The following METTL25 variants were observed in gnomAD, a reference collection of about 807,000 sequenced individuals.
METTL25 encodes the protein probable methyltransferase-like protein 25.
In METTL25, 64 loss-of-function variants were observed where a neutral mutation model predicts 71.6. That is an observed-to-expected ratio of 0.89 (90% CI 0.73 to 1.10). The LOEUF (loss-of-function observed/expected upper bound fraction) is 1.10, where lower values mean the gene tolerates loss of function less well. METTL25 is among the 50% of genes least tolerant of loss of function. The pLI, the probability that METTL25 is intolerant of heterozygous loss-of-function variation, is 0.00. For synonymous variants in METTL25, 287 were observed against 250.3 expected (o/e 1.15, Z -1.38); for missense variants, 807 against 707.0 (o/e 1.14, Z -1.60).
intron 9 of METTL25, among the ~76,000 whole-genome samples, chr12:82,473,514 G>T (rs931092924): frequency 5.3e-5 from 8 of 152,144 alleles, no homozygotes; most frequent in African/African-American, 1.9e-4. Context: ...TGTGTCATAG[G>T]CCCACAGCTG....
In METTL25 at chr12:82,414,362, A is replaced by G. The variant is rs115866615; in HGVS notation, c.1279+11232A>G. Among the ~76,000 whole-genome samples, 411 of 152,332 alleles carry G rather than the reference A, an allele frequency of 2.7e-3. 2 individuals carry two copies. Among genetic ancestry groups the G allele is most frequent in the African/African-American group, 9.4e-3 (392 of 41,596 alleles). The stretch of plus-strand genomic sequence containing the variant: ...TTCAGTCAGCTCTGTGTTTTCTAGA[A>G]TACTGGCGCTGATTTTATTTTTGCC... On this transcript the variant is annotated intron_variant, in intron 5 of 11. Transcript: ENST00000248306.
At chr12:82,397,919 C>T (rs1026965078) in intron 3 of METTL25, among the ~76,000 whole-genome samples, 27 of 151,886 alleles carry the variant, frequency 1.8e-4, no homozygotes, top group African/African-American at 4.8e-5. Context: ...AATTCTTCAA[C>T]CTTATTCTTT....
chr12:82,455,405 T>C (rs1243043450), intron 8 of METTL25, among the ~76,000 whole-genome samples: 3 of 151,836 alleles, frequency 2.0e-5, no homozygotes, highest in Admixed American at 6.6e-5. Context: ...TTTTCTGCCT[T>C]CTGGAACCTA....
chr12:82,474,080 A>G (rs759105626), intron 9 of METTL25, among the ~76,000 whole-genome samples: 24 of 152,154 alleles, frequency 1.6e-4, no homozygotes, highest in African/African-American at 3.1e-4. Context: ...ATCTGGGACA[A>G]TGCAGCTGTG....
chr12:82,376,378 T>G (rs117951130), intron 1 of METTL25, among the ~76,000 whole-genome samples: 16 of 152,204 alleles, frequency 1.1e-4, no homozygotes, highest in Non-Finnish European at 2.2e-4. Flanking sequence ...GAAATTCTAG[T>G]CCCCCTGCTT....
chr12:82,427,759 G>A (rs896778924), intron 5 of METTL25, among the ~76,000 whole-genome samples: 13 of 151,912 alleles, frequency 8.6e-5, no homozygotes, highest in East Asian at 7.8e-4. Flanking sequence ...CCTGGGTTTC[G>A]CCTGTGACCA....
chr12:82,412,103 C>T (rs1420591206), intron 5 of METTL25, among the ~76,000 whole-genome samples: 1 of 151,956 alleles, frequency 6.6e-6, no homozygotes, highest in African/African-American at 2.4e-5. Context: ...GAGTCAGACT[C>T]ACATTAAGAA....
Position 82,438,721 on chromosome 12 carries a change from C to T in METTL25, c.1408C>T (p.Pro470Ser). Residue 470 changes from proline to serine, a missense_variant, in exon 8 of 12, where the codon CCT becomes TCT. Pro to Ser is a moderately conservative substitution (Grantham distance 74). Transcript: ENST00000248306. ...TATATGTCTACATTTTTTTCAGCTG[C>T]CTACTGAATCACTCTTCTATCGTGC... ...LERVAAGQGL[P>S]TESLFYRAVL... is the part of the protein sequence containing the mutation. The T allele has an allele frequency of 1.4e-6, 2 of 1,464,820 alleles. No individual in the cohort carries two copies. Among genetic ancestry groups the T allele is most frequent in the Non-Finnish European group, 9.1e-7 (1 of 1,101,180 alleles). The allele number at this position is 1,464,820 out of a possible 1,614,324, so 90.7% of individuals were successfully genotyped here. A position where few individuals can be genotyped will look rare whatever the true frequency, so the allele number is the denominator to read the frequency against.
chr12:82,472,920 C>G (rs1036885450), intron 9 of METTL25, among the ~76,000 whole-genome samples: 6 of 152,150 alleles, frequency 3.9e-5, no homozygotes, highest in Admixed American at 2.0e-4. Flanking sequence ...GGTTTCTATG[C>G]ACTCAGTGGA....
At chr12:82,365,804 C>T (rs187220659) in intron 1 of METTL25, among the ~76,000 whole-genome samples, 4 of 143,906 alleles carry the variant, frequency 2.8e-5, no homozygotes, top group Admixed American at 7.1e-5. Flanking sequence ...TGGCCTCGGC[C>T]GGGCGCGGTG....
chr12:82,430,889 G>A lies in METTL25; in HGVS notation c.1280-4G>A. The A allele has an allele frequency of 6.5e-7, 1 of 1,531,082 alleles. No individual in the cohort carries two copies. The highest frequency in any genetic ancestry group is 1.2e-5 in the South Asian group (1 of 85,452). 94.8% of individuals were successfully genotyped at this position (1,531,082 alleles called of 1,614,324 possible). A position where few individuals can be genotyped will look rare whatever the true frequency, so the allele number is the denominator to read the frequency against. ...AATAATCCGTATTTTTCCCCCATCT[G>A]CAGAACGTACTCAGGAAAAGTGGGG... On this transcript the variant is annotated splice_polypyrimidine_tract_variant and splice_region_variant and intron_variant, in intron 5 of 11. Transcript: ENST00000248306.
At chr12:82,476,792 T>C (rs1189472953) in intron 10 of METTL25, 74 bp downstream of exon 10, 1 of 907,576 alleles carries the variant, frequency 1.1e-6, no homozygotes, top group South Asian at 1.7e-5. Flanking sequence ...AATTTTATTA[T>C]GGGCTAAGCA....
Position 82,478,947 on chromosome 12 carries a change from T to A in METTL25, c.1735T>A (p.Ser579Thr), listed in dbSNP as rs1893042958. 1.2e-6 allele frequency: 2 copies of A among 1,611,880 alleles called. No individual in the cohort carries two copies. Among genetic ancestry groups the A allele is most frequent in the East Asian group, 2.2e-5 (1 of 44,754 alleles). The change falls in exon 12 of 12, where the codon TCT becomes ACT. Residue 579 changes from serine (S) to threonine (T), a missense_variant. By Grantham distance (58) the Ser-to-Thr change is moderately conservative. Transcript: ENST00000248306. ...YLKEQEDIAW[S>T]ALVKLFDPVK... ...TAATTTACAGGAAGATATTGCATGG[T>A]CTGCTCTTGTGAAGTTGTTTGATCC... is the stretch of plus-strand genomic sequence containing the variant.
intron 8 of METTL25, among the ~76,000 whole-genome samples, chr12:82,445,687 A>T (rs978581577): frequency 6.6e-6 from 1 of 152,194 alleles, no homozygotes; most frequent in Non-Finnish European, 1.5e-5. Flanking sequence ...ATATGCAGAG[A>T]AGTCATGACA....
At chr12:82,386,441 C>CCCTCTCTCTCTCCCTT (rs1885012122) in intron 1 of METTL25, among the ~76,000 whole-genome samples, 1 of 95,722 alleles carries the variant, frequency 1.0e-5, no homozygotes, top group Non-Finnish European at 2.3e-5. Context: ...CTCCCTCCCT[C>CCCTCTCTCTCTCCCTT]CCTCCCTCCC....
At chr12:82,470,796 G>A (rs1018471306) in intron 9 of METTL25, among the ~76,000 whole-genome samples, 2 of 152,154 alleles carry the variant, frequency 1.3e-5, no homozygotes, top group African/African-American at 4.8e-5. Flanking sequence ...CAATTCAATT[G>A]TGAGGCTTAT....
At chr12:82,366,754 T>G (rs1882621229) in intron 1 of METTL25, among the ~76,000 whole-genome samples, 2 of 152,186 alleles carry the variant, frequency 1.3e-5, no homozygotes, top group Admixed American at 6.5e-5. Flanking sequence ...GGAGAAATAA[T>G]TAGTGTGTTC....
intron 2 of METTL25, among the ~76,000 whole-genome samples, chr12:82,388,372 G>C (rs1024770746): frequency 6.6e-6 from 1 of 152,118 alleles, no homozygotes; most frequent in Non-Finnish European, 1.5e-5. Context: ...TCCCCCTGGA[G>C]CAAGAGAGGG....
At chr12:82,400,061 C>T (rs188364067) in intron 4 of METTL25, among the ~76,000 whole-genome samples, 1 of 151,858 alleles carries the variant, frequency 6.6e-6, no homozygotes, top group African/African-American at 2.4e-5. Context: ...CCGTGGCTCA[C>T]GTCTGTAGTC....
Sources: allele counts gnomAD v4.1 joint callset (sites outside exome capture counted in the v4.1 genomes callset), GRCh38; gene constraint gnomAD v4.1.1; transcripts MANE v1.5; gene names NCBI Gene and HGNC (gene_info 2026-07-23, HGNC 2026-07-21).